Variants in INTS6 observed in about 807,000 individuals in gnomAD.
INTS6 encodes the protein integrator complex subunit 6.
A neutral mutation model predicts 104.9 loss-of-function variants in INTS6; 16 were observed. The ratio of observed to expected loss-of-function variants is 0.15; its 90% CI spans 0.10 to 0.23. INTS6 has a LOEUF of 0.23. INTS6 is among the 10% of genes least tolerant of loss of function. INTS6 has a pLI of 1.00. For missense variants in INTS6, 584 were observed against 1,062.8 expected (o/e 0.55, Z 6.26); for synonymous variants, 324 against 358.7 (o/e 0.90, Z 1.09).
In INTS6 at chr13:51,364,206, T is replaced by C. The variant is rs565740888; in HGVS notation, c.*1546A>G. 95 of 1,126,886 alleles carry C rather than the reference T, an allele frequency of 8.4e-5. No individual in the cohort carries two copies. The highest frequency in any genetic ancestry group is 1.6e-4 in the Admixed American group (7 of 42,688). 69.8% of individuals were successfully genotyped at this position (1,126,886 alleles called of 1,614,324 possible). ...CTTAAAGAACTGCATATGAAAATAC[T>C]ATATAATATTAAATTCTTCTTTTTC... On this transcript the variant is annotated 3_prime_UTR_variant, in exon 18 of 18. Transcript: ENST00000311234.
At chr13:51,359,347 G>A (rs879902920), downstream of INTS6, among the ~76,000 whole-genome samples, 9 of 152,054 alleles carry the variant, frequency 5.9e-5, no homozygotes, top group African/African-American at 1.4e-4. Flanking sequence ...CATTTTTATC[G>A]CATATGTTGG....
chr13:51,449,354 G>T, intron 3 of INTS6: 4 of 531,496 alleles, frequency 7.5e-6, no homozygotes, highest in Non-Finnish European at 9.6e-6. Context: ...GCAAACTTTT[G>T]GTAAGCCTTA....
intron 3 of INTS6, among the ~76,000 whole-genome samples, chr13:51,356,493 CAG>C (rs1473336179): frequency 6.6e-6 from 1 of 152,174 alleles, no homozygotes. Context: ...TTTTGATGAT[CAG>C]AGTTAAAAAC....
At position 51,452,701 on chromosome 13, in the gene INTS6, A is replaced by G; in HGVS notation, c.-176T>C. ...GGGAGTTTCTCCCCCGATAGTTGAG[A>G]GGAAACTCCCCAGACCCAGTGCTCC... On this transcript the variant is annotated 5_prime_UTR_variant, in exon 1 of 18. Transcript: ENST00000311234. The surrounding 1 kb of genome is among the most constrained non-coding windows in gnomAD (Gnocchi z 4.2). 1.5e-6 allele frequency: 2 copies of G among 1,366,764 alleles called. No individual in the cohort carries two copies. Among genetic ancestry groups the G allele is most frequent in the East Asian group, 3.3e-5 (1 of 29,874 alleles). 84.7% of individuals were successfully genotyped at this position (1,366,764 alleles called of 1,614,324 possible).
chr13:51,339,447 G>C, the INTS6 span: 1 of 152,266 alleles, frequency 6.6e-6, no homozygotes, highest in African/African-American at 2.4e-5. Flanking sequence ...GCCTAAGAAG[G>C]CTTGACGGGT....
chr13:51,452,811 C>A lies in INTS6; in HGVS notation c.-286G>T. The stretch of plus-strand genomic sequence containing the variant: ...CCGTCTGTCTGTCGGTTCGTCCCCC[C>A]CGCCTCGGGGGTCCCGTCCCCGCTC... On this transcript the variant is annotated 5_prime_UTR_variant, in exon 1 of 18. Coordinates refer to ENST00000311234, the MANE Select transcript of INTS6 (RefSeq NM_012141.3). The surrounding 1 kb of genome is among the most constrained non-coding windows in gnomAD (Gnocchi z 4.2). 1.7e-6 allele frequency: 2 copies of A among 1,179,174 alleles called. No homozygotes were observed. Among genetic ancestry groups the A allele is most frequent in the South Asian group, 1.8e-5 (1 of 55,350 alleles). 73.0% of individuals were successfully genotyped at this position (1,179,174 alleles called of 1,614,324 possible). A position where few individuals can be genotyped will look rare whatever the true frequency, so the allele number is the denominator to read the frequency against.
intron 4 of INTS6, among the ~76,000 whole-genome samples, chr13:51,409,641 AT>A (rs146346093): frequency 6.6e-6 from 1 of 151,388 alleles, no homozygotes; most frequent in Non-Finnish European, 1.5e-5. Flanking sequence ...CATAGGTAGT[AT>A]TTTTTTTAAT....
intron 3 of INTS6, chr13:51,450,148 T>C: frequency 9.1e-6 from 9 of 984,956 alleles, no homozygotes; most frequent in Non-Finnish European, 1.1e-5. Flanking sequence ...CAATATATAA[T>C]TAGGAATAGT....
chr13:51,401,707 A>C (rs1956445073), intron 4 of INTS6, among the ~76,000 whole-genome samples: 1 of 152,174 alleles, frequency 6.6e-6, no homozygotes, highest in Admixed American at 6.5e-5. Context: ...TATAGTCCTC[A>C]TTTACAAACA....
chr13:51,347,339 C>A, the INTS6 span: 4 of 966,114 alleles, frequency 4.1e-6, no homozygotes, highest in Non-Finnish European at 6.4e-6. Context: ...GGATGTGTTT[C>A]CGCAGGGTCC....
intron 3 of INTS6, chr13:51,440,422 TTTA>T (rs935354046): frequency 2.8e-4 from 43 of 152,126 alleles, no homozygotes; most frequent in African/African-American, 9.9e-4. Context: ...CTAAGGTTAA[TTTA>T]TTATTGGAGA....
intron 4 of INTS6, among the ~76,000 whole-genome samples, chr13:51,409,687 G>A (rs938609722): frequency 1.3e-5 from 2 of 151,830 alleles, no homozygotes; most frequent in African/African-American, 4.8e-5. Flanking sequence ...AAAATTAAAT[G>A]TTAATGTTAA....
intron 4 of INTS6, among the ~76,000 whole-genome samples, chr13:51,418,092 T>C (rs1956826618): frequency 6.6e-6 from 1 of 152,192 alleles, no homozygotes; most frequent in African/African-American, 2.4e-5. Context: ...AACACTTAAG[T>C]TTACACATTT....
rs911342187 is a variant in INTS6 at position 51,405,515 on chromosome 13, A to AT, written c.430-10033dup. On this transcript the variant is annotated intron_variant, in intron 4 of 17. Coordinates refer to ENST00000311234, the MANE Select transcript of INTS6 (RefSeq NM_012141.3). ...CAATTCTTGGATTTCCCTACTGTTA[A>AT]TTTTTTTTTCATAAACAACTCTTAC... 1.3e-4 allele frequency among the ~76,000 whole-genome samples: 20 copies of AT among 150,614 alleles called. No individual in the cohort carries two copies. The East Asian group carries it at 1.9e-3, about 15-fold the overall frequency.
At chr13:51,447,919 A>C (rs1952953688) in intron 3 of INTS6, 1 of 152,024 alleles carries the variant, frequency 6.6e-6, no homozygotes, top group Admixed American at 6.6e-5. Flanking sequence ...TTAACCAGGC[A>C]TGGTGGCTCA....
rs149255221 is a variant in INTS6, at chr13:51,365,391, C to CT, written c.*360dup. The stretch of plus-strand genomic sequence containing the variant: ...TTCCCCAAAAATTACAAAGTAACTT[C>CT]TTTTTTTTTTGGCAAAGTTCAACCT... On this transcript the variant is annotated 3_prime_UTR_variant, in exon 18 of 18. Coordinates refer to ENST00000311234, the MANE Select transcript of INTS6 (RefSeq NM_012141.3). 0.16 allele frequency: 24,979 copies of CT among 152,374 alleles called. 2,385 individuals are homozygous for CT. Among genetic ancestry groups the CT allele is most frequent in the South Asian group, 0.28 (1,366 of 4,918 alleles). 9.4% of individuals were successfully genotyped at this position (152,374 alleles called of 1,614,324 possible).
Position 51,451,989 on chromosome 13 carries a change from A to G in INTS6, c.178T>C (p.Tyr60His). ...YMLVTFEEPP[Y>H]AIKAGWKENH... is the part of the protein sequence containing the mutation. ...GCGAGGGCTGTTACCTTGATAGCATAGGGCGGCTCTTCGAAAGTGACCAGC... is the reference window on the plus strand; with the variant it reads ...GCGAGGGCTGTTACCTTGATAGCATGGGGCGGCTCTTCGAAAGTGACCAGC... Residue 60 changes from tyrosine (Y) to histidine (H), a missense_variant, in exon 2 of 18, where the codon TAT (tyrosine) becomes CAT (histidine). Tyr to His is a moderately conservative substitution (Grantham distance 83, BLOSUM62 2). This residue lies in a region of INTS6 where 70 missense variants were observed against 190.3 expected (regional missense o/e 0.37). Coordinates refer to ENST00000311234, the MANE Select transcript of INTS6 (RefSeq NM_012141.3). 5 of 1,608,942 alleles carry G rather than the reference A, an allele frequency of 3.1e-6. No homozygotes were observed. The highest frequency in any genetic ancestry group is 4.2e-6 in the Non-Finnish European group (5 of 1,177,022).
At chr13:51,374,104 T>C (rs1413955119) in intron 15 of INTS6, 104 bp downstream of exon 15, 4 of 837,186 alleles carry the variant, frequency 4.8e-6, no homozygotes, top group African/African-American at 1.7e-5. Context: ...CATTCACTCA[T>C]TGTACTACTA....
intron 4 of INTS6, among the ~76,000 whole-genome samples, chr13:51,406,616 C>T (rs1299314673): frequency 6.6e-6 from 1 of 152,122 alleles, no homozygotes; most frequent in Non-Finnish European, 1.5e-5. Context: ...CAACGGAGAC[C>T]ACTTTTATCT....
Sources: gnomAD v4.1 joint callset for allele counts (sites outside exome capture counted in the v4.1 genomes callset) on GRCh38, gnomAD v4.1.1 for gene constraint, gnomAD v4.1.1 regional missense constraint, Gnocchi (gnomAD v3.1) non-coding constraint, MANE v1.5 for transcripts, NCBI Gene and HGNC (gene_info 2026-07-23, HGNC 2026-07-21) for gene names.